HNRNPA3: variants seen among roughly 807,000 people sequenced by gnomAD.
HNRNPA3 encodes the protein heterogeneous nuclear ribonucleoprotein A3, also known as epididymis secretory sperm binding protein.
In HNRNPA3, 3 loss-of-function variants were observed where a neutral mutation model predicts 45.8. The ratio of observed to expected loss-of-function variants is 0.07; its 90% CI spans 0.03 to 0.17. The LOEUF is 0.17. HNRNPA3 is among the 10% of genes least tolerant of loss of function. HNRNPA3 has a pLI of 1.00. For synonymous variants in HNRNPA3, 170 were observed against 155.6 expected (o/e 1.09, Z -0.69); for missense variants, 183 against 480.3 (o/e 0.38, Z 5.79).
In HNRNPA3 at chr2:177,212,930, G is replaced by C. The variant is rs1287794040; in HGVS notation, c.72+59G>C. The C allele has an allele frequency of 2.6e-6, 3 of 1,161,666 alleles. No individual in the cohort carries two copies. The African/African-American group carries it at 4.8e-5, about 19-fold the overall frequency. 72.0% of individuals were successfully genotyped at this position (1,161,666 alleles called of 1,614,324 possible). On this transcript the variant is annotated intron_variant, in intron 1 of 10. Transcript: ENST00000392524. ...TGGCCGGCGTTGGGGGCCTGGTTCG[G>C]TGGGAGCGGGGAGGCCGGGTGGACC...
chr2:177,216,278 C>T (rs952151580), intron 4 of HNRNPA3, 90 bp downstream of exon 4: 24 of 874,246 alleles, frequency 2.7e-5, no homozygotes, highest in African/African-American at 1.2e-4. Context: ...TTTTCTGTTG[C>T]GTGTAATGGC....
At chr2:177,213,459 C>CT (rs1223719959) in intron 1 of HNRNPA3, among the ~76,000 whole-genome samples, 2 of 152,232 alleles carry the variant, frequency 1.3e-5, no homozygotes, top group Non-Finnish European at 2.9e-5. Flanking sequence ...TTTTCTAGGC[C>CT]TTTTACGGGT....
exon 3 of HNRNPA3, chr2:177,215,773 A>G: frequency 6.2e-7 from 1 of 1,608,720 alleles, no homozygotes; most frequent in South Asian, 1.1e-5. Flanking sequence ...CCCAAACAAA[A>G]CGTTCCAGGG....
rs1239251599 is a variant in HNRNPA3, at chr2:177,215,530, TTCTC to T, written c.73-6_73-3del. 8 of 1,613,696 alleles carry T rather than the reference TTCTC, an allele frequency of 5.0e-6. No individual in the cohort carries two copies. The highest frequency in any genetic ancestry group is 4.5e-5 in the East Asian group (2 of 44,902). ...AAGGTAACTTAAGAGTATTGGTTCT[TTCTC>T]TCAGGGCCATGATCCAAAGGAACCA... On this transcript the variant is annotated splice_region_variant and splice_polypyrimidine_tract_variant and intron_variant, in intron 1 of 10. Transcript: ENST00000392524.
chr2:177,215,968 T>G lies in HNRNPA3; in HGVS notation c.343-10T>G. 6.2e-7 allele frequency: 1 copy of G among 1,601,900 alleles called. No homozygotes were observed. Among genetic ancestry groups the G allele is most frequent in the Non-Finnish European group, 8.5e-7 (1 of 1,176,522 alleles). ...TTGTTTCTTGACTTAATATATTACT[T>G]TATTTGTAGGATTCTGTAAAGCCTG... On this transcript the variant is annotated splice_polypyrimidine_tract_variant and intron_variant, in intron 3 of 10. Coordinates refer to ENST00000392524, the Ensembl canonical transcript of HNRNPA3.
chr2:177,217,036 G>A, intron 7 of HNRNPA3, 96 bp downstream of exon 7: 1 of 1,254,218 alleles, frequency 8.0e-7, no homozygotes, highest in Non-Finnish European at 1.1e-6. Context: ...TAAAACTTCA[G>A]TGGCTAAATG....
rs558666399 is a variant in HNRNPA3, at chr2:177,215,643, C to T, written c.177C>T (p.Gly59=). 5.6e-6 allele frequency: 9 copies of T among 1,613,920 alleles called. No homozygotes were observed. The Admixed American group carries it at 1.3e-4, about 24-fold the overall frequency. ...TACGAGAACATTTTGAGAAATGGGG[C>T]ACACTCACAGATTGTGTGGTAAGTT... Residue 59 remains glycine, a synonymous_variant, in exon 2 of 11, where the codon GGC becomes GGT. Coordinates refer to ENST00000392524, the Ensembl canonical transcript of HNRNPA3.
chr2:177,223,665 C>T (rs1035013623), downstream of HNRNPA3: 1 of 152,152 alleles, frequency 6.6e-6, no homozygotes, highest in Non-Finnish European at 1.5e-5. Flanking sequence ...AGTGAATAAG[C>T]ATGCCAGTGT....
At chr2:177,215,564 A>G in exon 2 of HNRNPA3, 1 of 1,613,930 alleles carries the variant, frequency 6.2e-7, no homozygotes, top group Non-Finnish European at 8.5e-7. Context: ...GAACCAGAGC[A>G]GTTGAGAAAA....
Position 177,214,345 on chromosome 2 carries a change from G to C in HNRNPA3, c.73-1194G>C, listed in dbSNP as rs138068581. Among the ~76,000 whole-genome samples the C allele has an allele frequency of 7.2e-4, 110 of 152,286 alleles. 1 individual carries two copies. Among genetic ancestry groups the C allele is most frequent in the African/African-American group, 2.6e-3 (107 of 41,572 alleles). ...CAGCATATAACAAACATGGGTTATA[G>C]AAAGCTATTTGATCGGCTTTTTTTT... On this transcript the variant is annotated intron_variant, in intron 1 of 10. Coordinates refer to ENST00000392524, the Ensembl canonical transcript of HNRNPA3.
intron 1 of HNRNPA3, among the ~76,000 whole-genome samples, chr2:177,215,230 G>T (rs1275933322): frequency 2.6e-5 from 4 of 152,178 alleles, no homozygotes; most frequent in African/African-American, 9.6e-5. Context: ...GAGTAGCTGG[G>T]ATTACAGACG....
exon 4 of HNRNPA3, chr2:177,216,127 A>T: frequency 6.3e-7 from 1 of 1,581,366 alleles, no homozygotes. Flanking sequence ...GGCAGAGTGG[A>T]AAAAAGAGAG....
intron 1 of HNRNPA3, among the ~76,000 whole-genome samples, chr2:177,213,232 C>T (rs1688763519): frequency 6.6e-6 from 1 of 152,216 alleles, no homozygotes; most frequent in Non-Finnish European, 1.5e-5. Flanking sequence ...GCAGGCACAT[C>T]CGGGCGAGCG....
intron 1 of HNRNPA3, among the ~76,000 whole-genome samples, chr2:177,215,235 C>T: frequency 6.6e-6 from 1 of 152,094 alleles, no homozygotes. Context: ...GCTGGGATTA[C>T]AGACGCCCGC....
Position 177,216,303 on chromosome 2 carries a change from G to A in HNRNPA3, c.553+115G>A, listed in dbSNP as rs1688931929. 1.6e-5 allele frequency: 12 copies of A among 771,108 alleles called. No individual in the cohort carries two copies. In the South Asian group the frequency reaches 2.1e-4, roughly 14 times the overall value. 47.8% of individuals were successfully genotyped at this position (771,108 alleles called of 1,614,324 possible). A position where few individuals can be genotyped will look rare whatever the true frequency, so the allele number is the denominator to read the frequency against. On this transcript the variant is annotated intron_variant, in intron 4 of 10. Coordinates refer to ENST00000392524, the Ensembl canonical transcript of HNRNPA3. Reference sequence around the variant, plus strand: ...CGTGTAATGGCATTTATAGTGTATAGTCAATTTTCATAGTGTCTGCCTGTG... The same window carrying A: ...CGTGTAATGGCATTTATAGTGTATAATCAATTTTCATAGTGTCTGCCTGTG...
chr2:177,217,034 C>T lies in HNRNPA3; in HGVS notation c.820+94C>T, dbSNP rs971790836. ...ACTTTTCTAATTTTAGTTAAAACTT[C>T]AGTGGCTAAATGGTTAAGGTGTATT... On this transcript the variant is annotated intron_variant, in intron 7 of 10. Coordinates refer to ENST00000392524, the Ensembl canonical transcript of HNRNPA3. 13 of 1,272,024 alleles carry T rather than the reference C, an allele frequency of 1.0e-5. No individual in the cohort carries two copies. The African/African-American group carries it at 1.5e-4, about 15-fold the overall frequency. The allele number at this position is 1,272,024 out of a possible 1,614,324, so 78.8% of individuals were successfully genotyped here. A position where few individuals can be genotyped will look rare whatever the true frequency, so the allele number is the denominator to read the frequency against.
chr2:177,218,760 T>A (rs1259889114), intron 8 of HNRNPA3, among the ~76,000 whole-genome samples: 1 of 152,232 alleles, frequency 6.6e-6, no homozygotes, highest in Non-Finnish European at 1.5e-5. Flanking sequence ...TCTCATTGTT[T>A]TAAATGTTAT....
At chr2:177,212,969 C>T in intron 1 of HNRNPA3, 98 bp downstream of exon 1, 5 of 774,792 alleles carry the variant, frequency 6.5e-6, no homozygotes, top group Non-Finnish European at 9.5e-6. Flanking sequence ...TCGGCCGTCC[C>T]GCGCTCTTGC....
intron 7 of HNRNPA3, 25 bp downstream of exon 7, chr2:177,216,965 T>C (rs771468676): frequency 6.8e-7 from 1 of 1,465,028 alleles, no homozygotes; most frequent in East Asian, 2.5e-5. Context: ...TTCATTGATG[T>C]TTGATATTTT....
Sources: allele counts gnomAD v4.1 joint callset (sites outside exome capture counted in the v4.1 genomes callset), GRCh38; gene constraint gnomAD v4.1.1; transcripts MANE v1.5; gene names NCBI Gene and HGNC (gene_info 2026-07-23, HGNC 2026-07-21).